Variants in ACTR3C observed in about 807,000 individuals in gnomAD.
ACTR3C encodes actin-related protein 3C.
In ACTR3C, 18 loss-of-function variants were observed where a neutral mutation model predicts 26.3. That is an observed-to-expected ratio of 0.68 (90% CI 0.47 to 1.01). The LOEUF is 1.01. ACTR3C is among the 50% of genes least tolerant of loss of function. The pLI is 0.00. For missense variants in ACTR3C, 184 were observed against 250.7 expected (o/e 0.73, Z 1.80); for synonymous variants, 55 against 94.5 (o/e 0.58, Z 2.42).
At chr7:150,225,977 G>A in the ACTR3C span, among the ~76,000 whole-genome samples, 1 of 152,204 alleles carries the variant, frequency 6.6e-6, no homozygotes, top group African/African-American at 2.4e-5. Flanking sequence ...GCTTCCTTCA[G>A]TTAACAACAT....
chr7:150,042,121 TG>T, the ACTR3C span, among the ~76,000 whole-genome samples: 3 of 61,454 alleles, frequency 4.9e-5, no homozygotes, highest in Non-Finnish European at 9.1e-5. Flanking sequence ...CCCTCTGCGA[TG>T]GGGGTCCTAA....
the ACTR3C span, among the ~76,000 whole-genome samples, chr7:150,007,264 G>A: frequency 6.6e-6 from 1 of 152,178 alleles, no homozygotes; most frequent in Non-Finnish European, 1.5e-5. Context: ...TCCAAGGCTT[G>A]CTCATCACAT....
intron 6 of ACTR3C, among the ~76,000 whole-genome samples, chr7:150,258,651 G>C (rs1294799339): frequency 6.6e-6 from 1 of 152,172 alleles, no homozygotes; most frequent in East Asian, 1.9e-4. Flanking sequence ...ATGGAGAAAG[G>C]CCAAGTGGAA....
chr7:150,038,924 T>C, the ACTR3C span, among the ~76,000 whole-genome samples: 141 of 40,554 alleles, frequency 3.5e-3, 12 homozygotes, highest in African/African-American at 5.1e-3. Context: ...CAGCCAGGGG[T>C]GGAAGAGGGG....
At chr7:149,959,811 C>G in the ACTR3C span, among the ~76,000 whole-genome samples, 4 of 152,196 alleles carry the variant, frequency 2.6e-5, no homozygotes, top group Non-Finnish European at 5.9e-5. Context: ...GGAAGGGCTT[C>G]ATAAGAATGT....
chr7:150,127,413 A>G, the ACTR3C span, among the ~76,000 whole-genome samples: 12 of 152,316 alleles, frequency 7.9e-5, 1 homozygote, highest in Middle Eastern at 0.014. Context: ...ACTTGGCTGC[A>G]TTTTACTGAA....
At chr7:149,976,340 T>C in the ACTR3C span, among the ~76,000 whole-genome samples, 69 of 152,158 alleles carry the variant, frequency 4.5e-4, no homozygotes, top group Non-Finnish European at 4.6e-4. Context: ...TTTGGGAGGC[T>C]GAGGCGGGCG....
At chr7:150,158,916 C>G in the ACTR3C span, among the ~76,000 whole-genome samples, 2 of 147,856 alleles carry the variant, frequency 1.4e-5, no homozygotes, top group Admixed American at 6.7e-5. Context: ...CGCACACACA[C>G]GTGCACACAC....
the ACTR3C span, among the ~76,000 whole-genome samples, chr7:149,972,513 G>A: frequency 6.6e-6 from 1 of 152,054 alleles, no homozygotes; most frequent in Non-Finnish European, 1.5e-5. Context: ...CCCATGACAA[G>A]CTGCACCCCT....
the ACTR3C span, among the ~76,000 whole-genome samples, chr7:149,931,335 T>C: frequency 6.6e-6 from 1 of 152,178 alleles, no homozygotes; most frequent in Admixed American, 6.5e-5. Flanking sequence ...CAGGTGCCCG[T>C]CTTTGTCGGT....
chr7:150,174,348 C>T, the ACTR3C span, among the ~76,000 whole-genome samples: 94 of 138,240 alleles, frequency 6.8e-4, 25 homozygotes, highest in African/African-American at 2.9e-3. Context: ...CCCTGATAAA[C>T]CCATCAGATC....
chr7:149,979,811 C>A, the ACTR3C span, among the ~76,000 whole-genome samples: 914 of 150,452 alleles, frequency 6.1e-3, 8 homozygotes, highest in African/African-American at 0.022. Context: ...TGTATTCATT[C>A]CCAGGGGTTT....
At chr7:149,960,431 T>TA in the ACTR3C span, among the ~76,000 whole-genome samples, 5 of 152,142 alleles carry the variant, frequency 3.3e-5, no homozygotes, top group Non-Finnish European at 4.4e-5. Flanking sequence ...GGTTCTCCTG[T>TA]AAAAAAATGC....
the ACTR3C span, among the ~76,000 whole-genome samples, chr7:149,934,334 C>T: frequency 2.0e-5 from 3 of 152,158 alleles, no homozygotes; most frequent in Non-Finnish European, 4.4e-5. Flanking sequence ...TTCCAGGTGT[C>T]GAGTTTGACT....
chr7:149,954,594 T>A, the ACTR3C span, among the ~76,000 whole-genome samples: 1 of 152,196 alleles, frequency 6.6e-6, no homozygotes, highest in South Asian at 2.1e-4. Context: ...TATTCCAGTT[T>A]CTTATTCAAT....
chr7:150,291,723 C>T (rs994086681), intron 3 of ACTR3C, among the ~76,000 whole-genome samples: 34 of 151,742 alleles, frequency 2.2e-4, no homozygotes, highest in Non-Finnish European at 4.4e-4. Flanking sequence ...CAGGGGCCTA[C>T]GGGGGCCTCA....
the ACTR3C span, among the ~76,000 whole-genome samples, chr7:150,196,648 T>C: frequency 6.6e-6 from 1 of 152,230 alleles, no homozygotes; most frequent in East Asian, 1.9e-4. Flanking sequence ...TCCTGCAGAA[T>C]AGTAGAGAGT....
the ACTR3C span, among the ~76,000 whole-genome samples, chr7:150,039,694 G>GC: frequency 2.2e-5 from 2 of 89,588 alleles, 1 homozygote; most frequent in South Asian, 7.9e-4. Context: ...GGGGTCCTAA[G>GC]CCGGGGGGGA....
chr7:150,134,422 G>A, the ACTR3C span, among the ~76,000 whole-genome samples: 1 of 152,248 alleles, frequency 6.6e-6, no homozygotes, highest in South Asian at 2.1e-4. Context: ...TGCCTCCCCT[G>A]CAAGGGTGAG....
Sources: allele counts gnomAD v4.1 joint callset (sites outside exome capture counted in the v4.1 genomes callset), GRCh38; gene constraint gnomAD v4.1.1; transcripts MANE v1.5; gene names NCBI Gene and HGNC (gene_info 2026-07-23, HGNC 2026-07-21).